Variants in SOX6 observed in about 807,000 individuals in gnomAD.
The protein encoded by SOX6 is transcription factor SOX-6.
Under a neutral mutation model 97.8 loss-of-function variants are expected in SOX6, and 11 were observed. The ratio of observed to expected loss-of-function variants is 0.11; its 90% CI spans 0.07 to 0.19. SOX6 has a LOEUF of 0.19. Among genes scored for constraint, SOX6 ranks in the 10% least tolerant of loss-of-function variants. The pLI is 1.00. For missense variants in SOX6, 810 were observed against 1,039.5 expected, an observed-to-expected ratio of 0.78 and a Z score of 3.04; for synonymous variants, 360 against 371.4, an observed-to-expected ratio of 0.97 and a Z score of 0.35.
intron 1 of SOX6, among the ~76,000 whole-genome samples, chr11:16,417,763 T>C (rs928060220): frequency 2.6e-5 from 4 of 152,224 alleles, no homozygotes; most frequent in African/African-American, 9.6e-5. Context: ...TTAAACCTTA[T>C]GCAGATATTG....
intron 1 of SOX6, among the ~76,000 whole-genome samples, chr11:16,363,452 A>C (rs937180404): frequency 2.0e-5 from 3 of 152,020 alleles, no homozygotes; most frequent in African/African-American, 4.8e-5. Context: ...AAATCCTCCC[A>C]AAAAAAGTCT....
intron 4 of SOX6, among the ~76,000 whole-genome samples, chr11:16,558,452 A>C (rs947006741): frequency 5.3e-5 from 8 of 152,042 alleles, no homozygotes; most frequent in African/African-American, 1.9e-4. Flanking sequence ...TAAGTGGAAA[A>C]GGTAATTTAC....
At chr11:16,538,213 T>C (rs1861339931) in intron 4 of SOX6, among the ~76,000 whole-genome samples, 1 of 152,102 alleles carries the variant, frequency 6.6e-6, no homozygotes, top group African/African-American at 2.4e-5. Flanking sequence ...GAATTTCATA[T>C]CCAGCCAAAC....
chr11:16,673,029 G>A (rs1847858448), intron 3 of SOX6, among the ~76,000 whole-genome samples: 1 of 152,134 alleles, frequency 6.6e-6, no homozygotes, highest in African/African-American at 2.4e-5. Flanking sequence ...CTGAGATCAT[G>A]CCACTGCACT....
At chr11:16,522,092 A>C (rs1235113501) in intron 4 of SOX6, among the ~76,000 whole-genome samples, 2 of 152,188 alleles carry the variant, frequency 1.3e-5, no homozygotes, top group Non-Finnish European at 2.9e-5. Context: ...CCAATCTAGC[A>C]AGGCAGGCCA....
chr11:16,682,832 G>C (rs1847938823), intron 3 of SOX6, among the ~76,000 whole-genome samples: 1 of 152,178 alleles, frequency 6.6e-6, no homozygotes, highest in Admixed American at 6.5e-5. Context: ...TGTATATTTA[G>C]AAAACCCCAT....
At chr11:16,320,734 G>A (rs974133747) in intron 2 of SOX6, among the ~76,000 whole-genome samples, 1 of 152,052 alleles carries the variant, frequency 6.6e-6, no homozygotes, top group Non-Finnish European at 1.5e-5. Flanking sequence ...AAAAACCATT[G>A]AATTGTATAC....
At chr11:16,677,107 C>T (rs1050665294) in intron 3 of SOX6, among the ~76,000 whole-genome samples, 3 of 152,096 alleles carry the variant, frequency 2.0e-5, no homozygotes, top group African/African-American at 7.2e-5. Context: ...ACTATACCTC[C>T]AGGGTAGCCA....
chr11:16,139,812 A>G (rs1044679856), intron 6 of SOX6, among the ~76,000 whole-genome samples: 11 of 151,880 alleles, frequency 7.2e-5, no homozygotes, highest in African/African-American at 2.7e-4. Context: ...CTCTCTATAT[A>G]GATATGGACA....
At chr11:16,634,947 C>G (rs1848762660) in intron 3 of SOX6, among the ~76,000 whole-genome samples, 1 of 152,132 alleles carries the variant, frequency 6.6e-6, no homozygotes, top group Non-Finnish European at 1.5e-5. Flanking sequence ...TGCACTTCTC[C>G]TTGCTGCAAC....
chr11:16,380,886 A>T (rs1857792969), intron 1 of SOX6, among the ~76,000 whole-genome samples: 2 of 152,136 alleles, frequency 1.3e-5, no homozygotes, highest in East Asian at 1.9e-4. Context: ...ATAAATGAAC[A>T]GGAATCAATT....
intron 4 of SOX6, among the ~76,000 whole-genome samples, chr11:16,527,563 C>A (rs1356476521): frequency 2.6e-5 from 4 of 152,128 alleles, no homozygotes; most frequent in Admixed American, 6.6e-5. Flanking sequence ...TCTTTTGCCT[C>A]CCAATAGATG....
exon 1 of SOX6, chr11:16,738,461 C>A: frequency 2.3e-6 from 1 of 439,038 alleles, no homozygotes; most frequent in Non-Finnish European, 4.2e-6. Flanking sequence ...CCTCCACCAG[C>A]CGAAGGCGGG....
At chr11:16,057,846 A>G (rs1293755816) in intron 9 of SOX6, among the ~76,000 whole-genome samples, 1 of 152,096 alleles carries the variant, frequency 6.6e-6, no homozygotes, top group Non-Finnish European at 1.5e-5. Flanking sequence ...GTTATTAAGG[A>G]AGCCTGACAC....
At chr11:16,008,413 A>G (rs894007472) in intron 13 of SOX6, among the ~76,000 whole-genome samples, 37 of 152,194 alleles carry the variant, frequency 2.4e-4, no homozygotes, top group African/African-American at 8.7e-4. Flanking sequence ...AATTATTCAC[A>G]CTGCCATTGA....
chr11:16,068,883 A>G (rs527537784), intron 9 of SOX6, among the ~76,000 whole-genome samples: 2 of 152,262 alleles, frequency 1.3e-5, no homozygotes, highest in African/African-American at 2.4e-5. Context: ...TTCTCCCACC[A>G]AATTCTGAGT....
chr11:16,150,477 A>G (rs1475428157), intron 6 of SOX6, among the ~76,000 whole-genome samples: 1 of 152,178 alleles, frequency 6.6e-6, no homozygotes, highest in Admixed American at 6.6e-5. Context: ...TTTCTTGTCC[A>G]TGCAGCCTAA....
Position 16,100,838 on chromosome 11 carries a change from T to C in SOX6, c.899-3150A>G, listed in dbSNP as rs146896738. ...TCAGAAAGACAAAGGACTGGGATAG[T>C]TGCAGTATCCTGAGATAGTAACTTC... On this transcript the variant is annotated intron_variant, in intron 7 of 15. Coordinates refer to ENST00000683767, the MANE Select transcript of SOX6 (RefSeq NM_001367873.1). Among the ~76,000 whole-genome samples the C allele has an allele frequency of 5.2e-3, 786 of 151,456 alleles. 6 individuals are homozygous for C. Among genetic ancestry groups the C allele is most frequent in the Middle Eastern group, 0.031 (9 of 292 alleles).
intron 7 of SOX6, among the ~76,000 whole-genome samples, 170 bp downstream of exon 7, chr11:16,111,633 T>G (rs1464713910): frequency 2.6e-5 from 4 of 152,152 alleles, no homozygotes; most frequent in Non-Finnish European, 5.9e-5. Flanking sequence ...AGCAACCAAT[T>G]AGTTTATTAC....
Sources: gnomAD v4.1 joint callset for allele counts (sites outside exome capture counted in the v4.1 genomes callset) on GRCh38, gnomAD v4.1.1 for gene constraint, MANE v1.5 for transcripts, NCBI Gene and HGNC (gene_info 2026-07-23, HGNC 2026-07-21) for gene names.